The following JAKMIP2 variants were observed in gnomAD, a reference collection of about 807,000 sequenced individuals.
JAKMIP2 encodes the protein janus kinase and microtubule-interacting protein 2.
In JAKMIP2, 25 loss-of-function variants were observed where a neutral mutation model predicts 115.0. The observed-to-expected ratio is 0.22, with a 90% CI of 0.16 to 0.30. JAKMIP2 has a LOEUF of 0.30. Among genes scored for constraint, JAKMIP2 ranks in the 10% least tolerant of loss-of-function variants. The probability of loss-of-function intolerance (pLI) is 1.00; values close to 1 mark genes in which losing one functional copy is unlikely to be tolerated. For missense variants in JAKMIP2, 642 were observed against 957.6 expected (o/e 0.67, Z 4.35); for synonymous variants, 334 against 343.6 (o/e 0.97, Z 0.31).
chr5:147,589,883 A>G lies in JAKMIP2; in HGVS notation c.*1824T>C, dbSNP rs977661165. ...GGAATCTTTTTGTCAACAACACAAG[A>G]AAGTCAAATAATACAGCACTTGTAA... On this transcript the variant is annotated 3_prime_UTR_variant, in exon 22 of 22. Transcript: ENST00000616793. The G allele has an allele frequency of 5.3e-5, 8 of 152,226 alleles. No homozygotes were observed. Among genetic ancestry groups the G allele is most frequent in the African/African-American group, 1.4e-4 (6 of 41,466 alleles). The allele number at this position is 152,226 out of a possible 1,614,324, so 9.4% of individuals were successfully genotyped here.
chr5:147,617,129 C>T (rs1421948733), intron 19 of JAKMIP2, among the ~76,000 whole-genome samples: 1 of 152,112 alleles, frequency 6.6e-6, no homozygotes, highest in Non-Finnish European at 1.5e-5. Flanking sequence ...TAAAGAGTTA[C>T]AATTAAAAAT....
intron 20 of JAKMIP2, among the ~76,000 whole-genome samples, chr5:147,611,548 G>C (rs1391401356): frequency 6.6e-6 from 1 of 152,190 alleles, no homozygotes; most frequent in Admixed American, 6.5e-5. Flanking sequence ...AGATGAACCA[G>C]GTACCTCAGT....
intron 19 of JAKMIP2, among the ~76,000 whole-genome samples, chr5:147,612,785 A>G (rs1229647626): frequency 6.6e-6 from 1 of 152,198 alleles, no homozygotes; most frequent in African/African-American, 2.4e-5. Context: ...GACAGCAAGA[A>G]ACAAGCTTTG....
intron 11 of JAKMIP2, among the ~76,000 whole-genome samples, chr5:147,636,558 C>T (rs2126702909): frequency 6.6e-6 from 1 of 152,258 alleles, no homozygotes; most frequent in South Asian, 2.1e-4. Flanking sequence ...GAAGTGACCA[C>T]ACAGGCAAAA....
intron 16 of JAKMIP2, among the ~76,000 whole-genome samples, chr5:147,625,605 T>G (rs73268120): frequency 0.049 from 7,471 of 152,170 alleles, 600 homozygotes; most frequent in African/African-American, 0.17. Flanking sequence ...TTTAAAATCA[T>G]GTTTTTAAGA....
At chr5:147,623,719 A>G in intron 16 of JAKMIP2, 30 bp from the exon 17 acceptor site, 1 of 1,475,786 alleles carries the variant, frequency 6.8e-7, no homozygotes. Context: ...AAAGTGTTTG[A>G]CATGGCTGCT....
intron 20 of JAKMIP2, among the ~76,000 whole-genome samples, chr5:147,608,616 A>G (rs1756150867): frequency 6.6e-6 from 1 of 152,148 alleles, no homozygotes; most frequent in Non-Finnish European, 1.5e-5. Context: ...TTTTAGAATA[A>G]GAGCTATGTG....
At chr5:147,775,765 C>T (rs1031517052) in intron 1 of JAKMIP2, among the ~76,000 whole-genome samples, 2 of 152,110 alleles carry the variant, frequency 1.3e-5, no homozygotes, top group Middle Eastern at 3.2e-3. Context: ...GCCAGGAGCC[C>T]TTTAGGGGAC....
At chr5:147,695,118 A>G (rs1486329372) in intron 1 of JAKMIP2, among the ~76,000 whole-genome samples, 1 of 152,228 alleles carries the variant, frequency 6.6e-6, no homozygotes, top group Admixed American at 6.5e-5. Context: ...AAACAAACTA[A>G]CAATGCGTTA....
intron 21 of JAKMIP2, among the ~76,000 whole-genome samples, chr5:147,599,827 C>A (rs1755602578): frequency 6.6e-6 from 1 of 152,090 alleles, no homozygotes; most frequent in Non-Finnish European, 1.5e-5. Flanking sequence ...TTGGGAAAGT[C>A]ACATGCTGTA....
intron 12 of JAKMIP2, among the ~76,000 whole-genome samples, chr5:147,635,831 G>A (rs1337980907): frequency 6.6e-6 from 1 of 152,152 alleles, no homozygotes; most frequent in Non-Finnish European, 1.5e-5. Flanking sequence ...AAATTACTGG[G>A]ATTACAGGCT....
intron 2 of JAKMIP2, among the ~76,000 whole-genome samples, chr5:147,669,510 G>A (rs922511163): frequency 6.6e-6 from 1 of 152,206 alleles, no homozygotes; most frequent in African/African-American, 2.4e-5. Context: ...AATATGTGGA[G>A]TATTGGCAGT....
chr5:147,680,258 G>T (rs549203836), intron 1 of JAKMIP2, among the ~76,000 whole-genome samples: 1 of 152,266 alleles, frequency 6.6e-6, no homozygotes, highest in African/African-American at 2.4e-5. Context: ...ACCTATTTGT[G>T]TTAAAAGGAC....
At position 147,612,298 on chromosome 5, in the gene JAKMIP2, A is replaced by G. The variant is rs752465087; in HGVS notation, c.2412+8T>C. The G allele has an allele frequency of 6.7e-7, 1 of 1,493,182 alleles. No individual in the cohort carries two copies. Among genetic ancestry groups the G allele is most frequent in the South Asian group, 1.1e-5 (1 of 87,456 alleles). 92.5% of individuals were successfully genotyped at this position (1,493,182 alleles called of 1,614,324 possible). A position where few individuals can be genotyped will look rare whatever the true frequency, so the allele number is the denominator to read the frequency against. Reference sequence around the variant, plus strand: ...AATAATAAGATAGTTATTGAATTTGACACCTACCTTTTCTTCTAAGTCTTT... The same window carrying G: ...AATAATAAGATAGTTATTGAATTTGGCACCTACCTTTTCTTCTAAGTCTTT... On this transcript the variant is annotated splice_region_variant and intron_variant, in intron 20 of 21. Coordinates refer to ENST00000616793, the MANE Select transcript of JAKMIP2 (RefSeq NM_001270941.2).
intron 4 of JAKMIP2, 23 bp from the exon 5 acceptor site, chr5:147,648,497 G>T (rs749470776): frequency 6.1e-6 from 8 of 1,320,428 alleles, no homozygotes; most frequent in Non-Finnish European, 8.7e-6. Flanking sequence ...ATTAAAATGG[G>T]TATTTCTTCA....
rs374835700 is a variant in JAKMIP2 at position 147,704,257 on chromosome 5, TA to T, written c.-148-32304del. On this transcript the variant is annotated intron_variant, in intron 1 of 21. Coordinates refer to ENST00000616793, the MANE Select transcript of JAKMIP2 (RefSeq NM_001270941.2). ...ATATACTGTGCATCATTATATGTGA[TA>T]TACTTTTATAGACTGGCAATGCTGT... Among the ~76,000 whole-genome samples the T allele has an allele frequency of 1.5e-3, 236 of 152,332 alleles. 5 individuals are homozygous for T. The highest frequency in any genetic ancestry group is 5.5e-3 in the African/African-American group (227 of 41,574).
chr5:147,703,981 A>C (rs1208232427), intron 1 of JAKMIP2, among the ~76,000 whole-genome samples: 1 of 152,232 alleles, frequency 6.6e-6, no homozygotes, highest in East Asian at 1.9e-4. Context: ...TTAGGCCTGC[A>C]CAGGGTCAGG....
At chr5:147,705,878 G>A (rs992709234) in intron 1 of JAKMIP2, among the ~76,000 whole-genome samples, 40 of 152,334 alleles carry the variant, frequency 2.6e-4, no homozygotes, top group African/African-American at 9.1e-4. Flanking sequence ...TGATGTGGAT[G>A]TGGGGAAACA....
intron 20 of JAKMIP2, among the ~76,000 whole-genome samples, chr5:147,611,975 A>AT (rs1041560118): frequency 6.6e-6 from 1 of 152,168 alleles, no homozygotes; most frequent in Non-Finnish European, 1.5e-5. Flanking sequence ...GTGCTAAAAG[A>AT]TTTTTTTAAA....
Sources: allele counts gnomAD v4.1 joint callset (sites outside exome capture counted in the v4.1 genomes callset), GRCh38; gene constraint gnomAD v4.1.1; transcripts MANE v1.5; gene names NCBI Gene and HGNC (gene_info 2026-07-23, HGNC 2026-07-21).